Variants in MPP7 observed in about 807,000 individuals in gnomAD.
The protein encoded by MPP7 is MAGUK p55 subfamily member 7.
Under a neutral mutation model 76.5 loss-of-function variants are expected in MPP7, and 60 were observed. The observed-to-expected ratio is 0.78, with a 90% CI of 0.64 to 0.97. The LOEUF is 0.97. Among genes scored for constraint, MPP7 ranks in the 50% least tolerant of loss-of-function variants. The pLI, the probability that MPP7 is intolerant of heterozygous loss-of-function variation, is 0.00. For missense variants in MPP7, 641 were observed against 694.0 expected, an observed-to-expected ratio of 0.92 and a Z score of 0.86; for synonymous variants, 237 against 244.5, an observed-to-expected ratio of 0.97 and a Z score of 0.29.
At position 28,123,956 on chromosome 10, in the gene MPP7, A is replaced by T. The variant is rs556087992; in HGVS notation, c.615+75T>A. 6.0e-6 allele frequency: 6 copies of T among 1,006,284 alleles called. No homozygotes were observed. In the South Asian group the frequency reaches 7.8e-5, roughly 13 times the overall value. 62.3% of individuals were successfully genotyped at this position (1,006,284 alleles called of 1,614,324 possible). Reference sequence around the variant, plus strand: ...TTAATACAAATCCTGTCTATGTCAAACCAAGTCTAAAAGTCTGAAATACAG... The same window carrying T: ...TTAATACAAATCCTGTCTATGTCAATCCAAGTCTAAAAGTCTGAAATACAG... On this transcript the variant is annotated intron_variant, in intron 8 of 16. Coordinates refer to ENST00000683449, the MANE Select transcript of MPP7 (RefSeq NM_001318170.2).
At position 28,164,511 on chromosome 10, in the gene MPP7, T is replaced by C. The variant is rs17831328; in HGVS notation, c.157-14452A>G. On this transcript the variant is annotated intron_variant, in intron 3 of 16. Transcript: ENST00000683449. ...GTAGAGAAGGCAGGTAGTCACCCGA[T>C]AGAAGCTTCCATTAAAAAAGTGTGG... Among the ~76,000 whole-genome samples the C allele has an allele frequency of 1.7e-3, 256 of 152,212 alleles. 1 individual carries two copies. The East Asian group carries it at 0.028, about 17-fold the overall frequency.
chr10:28,150,047 G>A lies in MPP7; in HGVS notation c.169C>T (p.Leu57=), dbSNP rs1406035377. 1 of 1,613,296 alleles carries A rather than the reference G, an allele frequency of 6.2e-7. No homozygotes were observed. The highest frequency in any genetic ancestry group is 8.5e-7 in the Non-Finnish European group (1 of 1,179,744). The change falls in exon 4 of 17, where the codon CTA becomes TTA. Residue 57 remains leucine (L), a synonymous_variant. Coordinates refer to ENST00000683449, the MANE Select transcript of MPP7 (RefSeq NM_001318170.2). The part of the protein sequence containing the change: ...LHSLVKIHEK[L]HYYEKQSPVP... Reference sequence around the variant, plus strand: ...GGACTCTGCTTCTCATAGTAGTGTAGTTTTTCATGAATCTGGAAGAAAATC... The same window carrying A: ...GGACTCTGCTTCTCATAGTAGTGTAATTTTTCATGAATCTGGAAGAAAATC...
At chr10:28,174,802 C>A (rs1444409088) in intron 3 of MPP7, among the ~76,000 whole-genome samples, 1 of 152,122 alleles carries the variant, frequency 6.6e-6, no homozygotes, top group Non-Finnish European at 1.5e-5. Context: ...GTGGCATTAC[C>A]AAAGTGGTCA....
At chr10:28,094,004 A>C (rs927675) in intron 11 of MPP7, among the ~76,000 whole-genome samples, 71,153 of 152,094 alleles carry the variant, frequency 0.47, 20,174 homozygotes, top group Non-Finnish European at 0.65. Context: ...TTCAACAAAG[A>C]AAGCATGACA....
chr10:28,293,351 CAT>C (rs796621109), intron 1 of MPP7, among the ~76,000 whole-genome samples: 4 of 152,318 alleles, frequency 2.6e-5, no homozygotes, highest in African/African-American at 9.6e-5. Context: ...AGAACAATAA[CAT>C]ATCACTTTGT....
chr10:28,211,458 TATATAGAGAG>T (rs1014940024), intron 2 of MPP7, among the ~76,000 whole-genome samples: 11 of 134,832 alleles, frequency 8.2e-5, no homozygotes, highest in African/African-American at 2.9e-4. Context: ...TATATATATA[TATATAGAGAG>T]AGAGAGAGAA....
intron 1 of MPP7, among the ~76,000 whole-genome samples, chr10:28,302,535 T>G (rs1351750723): frequency 6.6e-6 from 1 of 152,172 alleles, no homozygotes; most frequent in Non-Finnish European, 1.5e-5. Context: ...CTCCGCAGTT[T>G]TTCCTCCACC....
chr10:28,305,724 G>A (rs533772062), upstream of MPP7: 1 of 152,318 alleles, frequency 6.6e-6, no homozygotes, highest in African/African-American at 2.4e-5. Context: ...CTAATGCAAA[G>A]CCATTGCATA....
intron 11 of MPP7, among the ~76,000 whole-genome samples, chr10:28,112,659 C>T (rs1365415793): frequency 1.3e-5 from 2 of 152,114 alleles, no homozygotes; most frequent in Non-Finnish European, 2.9e-5. Context: ...CAGAATTTCT[C>T]AGACTTAGCA....
upstream of MPP7, among the ~76,000 whole-genome samples, chr10:28,306,202 A>G (rs749943784): frequency 6.6e-5 from 10 of 152,370 alleles, no homozygotes; most frequent in Non-Finnish European, 1.2e-4. Flanking sequence ...ATCTCAGTAC[A>G]TCCAGCTGAT....
At chr10:28,245,702 C>T (rs542909469) in intron 1 of MPP7, among the ~76,000 whole-genome samples, 9 of 151,710 alleles carry the variant, frequency 5.9e-5, no homozygotes, top group African/African-American at 2.2e-4. Context: ...GTTGCCCAGG[C>T]TGGAGTACAG....
At chr10:28,224,667 T>C (rs1182878627) in intron 2 of MPP7, among the ~76,000 whole-genome samples, 1 of 152,186 alleles carries the variant, frequency 6.6e-6, no homozygotes, top group Admixed American at 6.5e-5. Flanking sequence ...CGTAGATTAA[T>C]TTTATATGGC....
chr10:28,130,268 C>T (rs763032973), intron 6 of MPP7, among the ~76,000 whole-genome samples: 5 of 152,146 alleles, frequency 3.3e-5, no homozygotes, highest in Admixed American at 2.6e-4. Flanking sequence ...TGTTCAAAAA[C>T]ACTTGCAAAG....
At chr10:28,146,408 T>G (rs557604114) in intron 5 of MPP7, among the ~76,000 whole-genome samples, 2 of 148,816 alleles carry the variant, frequency 1.3e-5, no homozygotes, top group South Asian at 4.2e-4. Flanking sequence ...TTTTTTTGTT[T>G]TTTTTTTTTT....
chr10:28,306,265 T>G (rs1439685627), upstream of MPP7, among the ~76,000 whole-genome samples: 1 of 152,146 alleles, frequency 6.6e-6, no homozygotes, highest in Non-Finnish European at 1.5e-5. Flanking sequence ...AAAAGTAGAT[T>G]TTAAAATGTG....
At chr10:28,067,569 A>G (rs971497587) in intron 13 of MPP7, among the ~76,000 whole-genome samples, 3 of 152,124 alleles carry the variant, frequency 2.0e-5, no homozygotes, top group Non-Finnish European at 4.4e-5. Context: ...TACTTTGGGG[A>G]TTTCTTTGGA....
chr10:28,062,531 AACACACACACACACACACACAC>A lies in MPP7; in HGVS notation c.1205-2810_1205-2789del, dbSNP rs56923979. 8.0e-3 allele frequency among the ~76,000 whole-genome samples: 1,053 copies of A among 132,384 alleles called. 13 individuals carry two copies. The highest frequency in any genetic ancestry group is 0.028 in the African/African-American group (995 of 36,096). The allele number at this position is 132,384 out of a possible 152,430, so 86.8% of individuals were successfully genotyped here. On this transcript the variant is annotated intron_variant, in intron 13 of 16. Coordinates refer to ENST00000683449, the MANE Select transcript of MPP7 (RefSeq NM_001318170.2). ...AAATTCAATCATTTCCATAATAGTA[AACACACACACACACACACACAC>A]ACACACACACACACACACACACACA...
chr10:28,056,129 G>A (rs1431504302), intron 16 of MPP7, among the ~76,000 whole-genome samples: 3 of 152,150 alleles, frequency 2.0e-5, no homozygotes, highest in Non-Finnish European at 4.4e-5. Flanking sequence ...AGGCTGGAGT[G>A]TAGTGGTGTG....
At chr10:28,292,499 T>C (rs1473158075) in intron 1 of MPP7, among the ~76,000 whole-genome samples, 1 of 151,700 alleles carries the variant, frequency 6.6e-6, no homozygotes, top group African/African-American at 2.4e-5. Flanking sequence ...TTAATACCAC[T>C]GATAAGTGGT....
Sources: gnomAD v4.1 joint callset for allele counts (sites outside exome capture counted in the v4.1 genomes callset) on GRCh38, gnomAD v4.1.1 for gene constraint, MANE v1.5 for transcripts, NCBI Gene and HGNC (gene_info 2026-07-23, HGNC 2026-07-21) for gene names.